The following NRXN1 variants were observed in gnomAD, a reference collection of about 807,000 sequenced individuals.
NRXN1 encodes neurexin 1.
Under a neutral mutation model 150.9 loss-of-function variants are expected in NRXN1, and 39 were observed. The observed-to-expected ratio is 0.26, with a 90% CI of 0.20 to 0.34. The LOEUF (loss-of-function observed/expected upper bound fraction) is 0.34. NRXN1 is among the 10% of genes least tolerant of loss of function. The probability of loss-of-function intolerance (pLI) is 1.00; values close to 1 mark genes in which losing one functional copy is unlikely to be tolerated. For synonymous variants in NRXN1, 924 were observed against 757.0 expected, an observed-to-expected ratio of 1.22 and a Z score of -3.62; for missense variants, 1,815 against 1,949.9, an observed-to-expected ratio of 0.93 and a Z score of 1.30.
At chr2:50,512,958 G>C (rs866800956) in intron 12 of NRXN1, among the ~76,000 whole-genome samples, 9 of 152,040 alleles carry the variant, frequency 5.9e-5, no homozygotes, top group African/African-American at 1.9e-4. Flanking sequence ...GGGGAGATCT[G>C]CATGCATCAT....
chr2:50,857,818 T>TA (rs72265957), intron 5 of NRXN1, among the ~76,000 whole-genome samples: 52,993 of 151,612 alleles, frequency 0.35, 10,426 homozygotes, highest in Non-Finnish European at 0.46. Flanking sequence ...CAAAATAGAT[T>TA]AAAAAAAACA....
At chr2:50,310,197 T>G (rs904474247) in intron 17 of NRXN1, among the ~76,000 whole-genome samples, 4 of 152,202 alleles carry the variant, frequency 2.6e-5, no homozygotes, top group African/African-American at 7.2e-5. Context: ...GCTCATAGAT[T>G]ATTTTGATCA....
intron 21 of NRXN1, among the ~76,000 whole-genome samples, chr2:50,029,282 G>A (rs1431281882): frequency 6.6e-6 from 1 of 152,156 alleles, no homozygotes; most frequent in African/African-American, 2.4e-5. Flanking sequence ...AGAAATAAAT[G>A]TATGTTGTTT....
At chr2:50,423,291 AC>A (rs918372166) in intron 17 of NRXN1, among the ~76,000 whole-genome samples, 27 of 151,920 alleles carry the variant, frequency 1.8e-4, no homozygotes, top group African/African-American at 6.3e-4. Flanking sequence ...AGCATGAAAA[AC>A]CTATTTGTGA....
At chr2:50,224,711 G>C (rs931918742) in intron 18 of NRXN1, among the ~76,000 whole-genome samples, 1 of 150,386 alleles carries the variant, frequency 6.6e-6, no homozygotes, top group Non-Finnish European at 1.5e-5. Flanking sequence ...GAGAGAGAGA[G>C]AGAGAGAGAG....
intron 21 of NRXN1, among the ~76,000 whole-genome samples, chr2:49,950,486 G>A (rs1673729020): frequency 6.6e-6 from 1 of 151,944 alleles, no homozygotes; most frequent in Non-Finnish European, 1.5e-5. Context: ...CCTCATCTAT[G>A]CGTAGCATTT....
intron 5 of NRXN1, among the ~76,000 whole-genome samples, chr2:50,676,539 T>A (rs1466844245): frequency 1.3e-5 from 2 of 152,270 alleles, no homozygotes; most frequent in South Asian, 2.1e-4. Context: ...GTCTGTACAA[T>A]GTAATATTTG....
At chr2:50,431,945 T>C (rs1335226764) in intron 17 of NRXN1, among the ~76,000 whole-genome samples, 3 of 152,228 alleles carry the variant, frequency 2.0e-5, no homozygotes, top group Non-Finnish European at 4.4e-5. Context: ...TCAGGCACTA[T>C]GCCAGGTGCT....
intron 2 of NRXN1, among the ~76,000 whole-genome samples, chr2:51,008,081 A>G (rs1161953210): frequency 6.6e-6 from 1 of 151,960 alleles, no homozygotes; most frequent in Non-Finnish European, 1.5e-5. Flanking sequence ...TCTGGAAACT[A>G]TATCTAGAGG....
At chr2:50,250,747 T>C (rs6738746) in intron 17 of NRXN1, among the ~76,000 whole-genome samples, 42 of 151,920 alleles carry the variant, frequency 2.8e-4, no homozygotes, top group African/African-American at 9.7e-4. Context: ...TATCATAAAT[T>C]GTGTCATTCT....
intron 17 of NRXN1, among the ~76,000 whole-genome samples, chr2:50,252,805 T>A (rs1056276437): frequency 6.6e-6 from 1 of 152,154 alleles, no homozygotes; most frequent in Non-Finnish European, 1.5e-5. Context: ...TGCTGTTTGG[T>A]TACTGTAGCC....
At chr2:50,694,556 C>A (rs1692543430) in intron 5 of NRXN1, among the ~76,000 whole-genome samples, 1 of 152,124 alleles carries the variant, frequency 6.6e-6, no homozygotes, top group South Asian at 2.1e-4. Flanking sequence ...CAAGGTTGAA[C>A]ACTCAAGAAA....
At position 50,373,626 on chromosome 2, in the gene NRXN1, AAAAGAAAGAAAGAAAG is replaced by A. The variant is rs202127677; in HGVS notation, c.3364+91800_3364+91815del. ...GAGAAAGAAAGAGAGAGAGAGAAAG[AAAAGAAAGAAAGAAAG>A]AAAGAAAGAAAGAAAGAAAGAAAGA... On this transcript the variant is annotated intron_variant, in intron 17 of 22. Transcript: ENST00000401669. Among the ~76,000 whole-genome samples the A allele has an allele frequency of 7.9e-3, 776 of 98,598 alleles. 10 individuals are homozygous for A. Among genetic ancestry groups the A allele is most frequent in the African/African-American group, 0.014 (328 of 22,698 alleles). 64.7% of individuals were successfully genotyped at this position (98,598 alleles called of 152,430 possible). A position where few individuals can be genotyped will look rare whatever the true frequency, so the allele number is the denominator to read the frequency against.
chr2:50,529,011 A>G, intron 11 of NRXN1: 1 of 222,724 alleles, frequency 4.5e-6, no homozygotes, highest in African/African-American at 2.4e-5. Context: ...GTGCTCCGTC[A>G]CAATGGGGTA....
intron 21 of NRXN1, among the ~76,000 whole-genome samples, chr2:50,009,278 G>A (rs992980770): frequency 1.3e-5 from 2 of 152,032 alleles, no homozygotes; most frequent in Non-Finnish European, 2.9e-5. Flanking sequence ...AGCATAGAAA[G>A]TCCTCACTAA....
intron 19 of NRXN1, among the ~76,000 whole-genome samples, chr2:50,068,397 TC>T (rs942428157): frequency 1.9e-4 from 18 of 95,408 alleles, no homozygotes; most frequent in African/African-American, 5.9e-4. Context: ...AAAATAACTT[TC>T]CCCTAATACA....
At chr2:50,191,198 G>GTT (rs199985011) in intron 18 of NRXN1, among the ~76,000 whole-genome samples, 128 of 117,516 alleles carry the variant, frequency 1.1e-3, no homozygotes, top group South Asian at 2.5e-3. Context: ...TCAGCTAATT[G>GTT]TTTTTTGTTT....
intron 18 of NRXN1, among the ~76,000 whole-genome samples, chr2:50,178,876 G>C (rs2152808403): frequency 1.3e-5 from 2 of 152,300 alleles, no homozygotes; most frequent in South Asian, 4.1e-4. Flanking sequence ...AAATCAGGCA[G>C]TAGTCTGGGG....
intron 18 of NRXN1, among the ~76,000 whole-genome samples, chr2:50,099,528 A>G (rs1047492888): frequency 2.0e-5 from 3 of 152,302 alleles, no homozygotes; most frequent in Non-Finnish European, 4.4e-5. Context: ...GATAATGCAT[A>G]CAAAATTCTT....
Sources: gnomAD v4.1 joint callset for allele counts (sites outside exome capture counted in the v4.1 genomes callset) on GRCh38, gnomAD v4.1.1 for gene constraint, MANE v1.5 for transcripts, NCBI Gene and HGNC (gene_info 2026-07-23, HGNC 2026-07-21) for gene names.